Variants in OSBPL1A observed in about 807,000 individuals in gnomAD.
OSBPL1A encodes oxysterol-binding protein-related protein 1.
OSBPL1A carries 80 observed loss-of-function variants against 137.1 expected under a neutral mutation model. The observed-to-expected ratio is 0.58, with a 90% CI of 0.49 to 0.70. OSBPL1A has a LOEUF of 0.70. Ranked by LOEUF, OSBPL1A falls within the 30% of genes least tolerant of loss-of-function variation. The pLI is 0.00. For synonymous variants in OSBPL1A, 365 were observed against 389.7 expected, an observed-to-expected ratio of 0.94 and a Z score of 0.75; for missense variants, 970 against 1,129.4, an observed-to-expected ratio of 0.86 and a Z score of 2.02.
At chr18:24,168,622 A>C (rs2086200636) in intron 24 of OSBPL1A, among the ~76,000 whole-genome samples, 1 of 152,224 alleles carries the variant, frequency 6.6e-6, no homozygotes, top group South Asian at 2.1e-4. Flanking sequence ...AGCATCACAC[A>C]GTGAACAAAT....
At chr18:24,230,624 A>C (rs990644493) in intron 16 of OSBPL1A, among the ~76,000 whole-genome samples, 1 of 152,210 alleles carries the variant, frequency 6.6e-6, no homozygotes, top group African/African-American at 2.4e-5. Context: ...GTATTTTTAC[A>C]ATATACATAG....
At chr18:24,177,990 G>A (rs765658905) in intron 21 of OSBPL1A, 23 bp downstream of exon 21, 1 of 1,603,056 alleles carries the variant, frequency 6.2e-7, no homozygotes, top group East Asian at 2.2e-5. Flanking sequence ...TGAAAAGAGT[G>A]TAATGGCTTG....
intron 21 of OSBPL1A, among the ~76,000 whole-genome samples, chr18:24,176,989 G>A (rs901319255): frequency 1.3e-5 from 2 of 152,214 alleles, no homozygotes; most frequent in Admixed American, 1.3e-4. Context: ...GAGCCTCTCT[G>A]CTCTGTCTTG....
chr18:24,371,705 C>T (rs1905652072), intron 2 of OSBPL1A, among the ~76,000 whole-genome samples: 1 of 152,160 alleles, frequency 6.6e-6, no homozygotes. Context: ...CTGGCTCTTT[C>T]TACCTAACAT....
chr18:24,219,432 T>G (rs181423094), intron 17 of OSBPL1A, among the ~76,000 whole-genome samples: 79 of 152,312 alleles, frequency 5.2e-4, no homozygotes, highest in African/African-American at 1.8e-3. Context: ...GCTTGAAAAT[T>G]TCCATAATAA....
At chr18:24,197,984 C>T (rs2087088043) in intron 17 of OSBPL1A, among the ~76,000 whole-genome samples, 1 of 151,976 alleles carries the variant, frequency 6.6e-6, no homozygotes, top group Admixed American at 6.6e-5. Context: ...GACGGGGTTT[C>T]ACCATGTTGG....
At chr18:24,319,402 T>A (rs2146122841) in intron 7 of OSBPL1A, among the ~76,000 whole-genome samples, 1 of 152,198 alleles carries the variant, frequency 6.6e-6, no homozygotes, top group African/African-American at 2.4e-5. Context: ...AAATTTGGGG[T>A]CCACTCTTTA....
At chr18:24,371,702 T>G (rs2146199063) in intron 2 of OSBPL1A, among the ~76,000 whole-genome samples, 1 of 152,266 alleles carries the variant, frequency 6.6e-6, no homozygotes, top group East Asian at 1.9e-4. Context: ...TCACTGGCTC[T>G]TTCTACCTAA....
intron 17 of OSBPL1A, among the ~76,000 whole-genome samples, chr18:24,217,005 G>C (rs1342017309): frequency 6.6e-6 from 1 of 152,134 alleles, no homozygotes; most frequent in African/African-American, 2.4e-5. Context: ...AAAGACAATG[G>C]AGTTATTGCC....
chr18:24,382,653 G>A (rs1599737251), intron 1 of OSBPL1A, among the ~76,000 whole-genome samples: 1 of 151,588 alleles, frequency 6.6e-6, no homozygotes, highest in East Asian at 1.9e-4. Context: ...CGAGGTGGGT[G>A]GATCTCCAGT....
chr18:24,272,058 C>G, intron 15 of OSBPL1A: 1 of 982,798 alleles, frequency 1.0e-6, no homozygotes, highest in Non-Finnish European at 1.2e-6. Context: ...CCTCCCCTTC[C>G]CCAGCGCCGC....
chr18:24,377,556 C>T, intron 1 of OSBPL1A, 21 bp from the exon 2 acceptor site: 3 of 1,571,806 alleles, frequency 1.9e-6, no homozygotes, highest in South Asian at 1.2e-5. Context: ...AAAATAATAA[C>T]ATTGCTATTA....
At chr18:24,196,853 T>G (rs2087048543) in intron 17 of OSBPL1A, among the ~76,000 whole-genome samples, 1 of 152,210 alleles carries the variant, frequency 6.6e-6, no homozygotes, top group Admixed American at 6.5e-5. Context: ...CTTCGAAGCC[T>G]CTGTAGGTGT....
chr18:24,171,608 G>C, intron 22 of OSBPL1A, 110 bp from the exon 23 acceptor site: 1 of 810,472 alleles, frequency 1.2e-6, no homozygotes, highest in Non-Finnish European at 2.0e-6. Flanking sequence ...GATTTTCTCT[G>C]TGTGCCAGGC....
At chr18:24,169,942 A>C (rs1282695501) in intron 24 of OSBPL1A, among the ~76,000 whole-genome samples, 2 of 152,260 alleles carry the variant, frequency 1.3e-5, no homozygotes, top group African/African-American at 4.8e-5. Flanking sequence ...AACAAAACTG[A>C]TGATAAGCAT....
intron 18 of OSBPL1A, among the ~76,000 whole-genome samples, chr18:24,185,763 A>G (rs2086731502): frequency 6.6e-6 from 1 of 152,206 alleles, no homozygotes; most frequent in African/African-American, 2.4e-5. Context: ...ACTTTATAAA[A>G]TAAAAGTCTT....
intron 1 of OSBPL1A, among the ~76,000 whole-genome samples, chr18:24,378,352 T>A (rs958728267): frequency 1.3e-5 from 2 of 152,224 alleles, no homozygotes; most frequent in Non-Finnish European, 2.9e-5. Context: ...TATAAATGCA[T>A]ACAACCTTTC....
chr18:24,256,432 CA>C (rs148737604), intron 15 of OSBPL1A, among the ~76,000 whole-genome samples: 2,728 of 152,076 alleles, frequency 0.018, 79 homozygotes, highest in African/African-American at 0.062. Flanking sequence ...CCCTTTATGA[CA>C]AAAACCCTCA....
intron 2 of OSBPL1A, among the ~76,000 whole-genome samples, chr18:24,375,314 C>CAAAA (rs61252568): frequency 2.4e-5 from 1 of 41,718 alleles, no homozygotes; most frequent in Non-Finnish European, 4.3e-5. Flanking sequence ...AACCCTGTCT[C>CAAAA]AAAAAAAAAA....
Sources: allele counts gnomAD v4.1 joint callset (sites outside exome capture counted in the v4.1 genomes callset), GRCh38; gene constraint gnomAD v4.1.1; transcripts MANE v1.5; gene names NCBI Gene and HGNC (gene_info 2026-07-23, HGNC 2026-07-21).